The following EEIG2 variants were observed in gnomAD, a reference collection of about 807,000 sequenced individuals.
EEIG2 encodes the protein EEIG family member 2, also known as family with sequence similarity 102 member B.
the EEIG2 span, among the ~76,000 whole-genome samples, chr1:108,561,654 A>G: frequency 2.3e-4 from 35 of 152,370 alleles, no homozygotes; most frequent in African/African-American, 7.7e-4. Context: ...GATATATGAA[A>G]TTAATAGTTT....
chr1:108,617,035 G>A, the EEIG2 span, among the ~76,000 whole-genome samples: 1 of 152,164 alleles, frequency 6.6e-6, no homozygotes, highest in African/African-American at 2.4e-5. Flanking sequence ...ACTGGCATTA[G>A]GGGGAAGAGT....
the EEIG2 span, among the ~76,000 whole-genome samples, chr1:108,597,355 A>G: frequency 6.6e-6 from 1 of 152,172 alleles, no homozygotes; most frequent in African/African-American, 2.4e-5. Flanking sequence ...GCATTAAGTC[A>G]TCTTTCATTA....
chr1:108,609,864 G>A, the EEIG2 span, among the ~76,000 whole-genome samples: 44 of 152,152 alleles, frequency 2.9e-4, 2 homozygotes, highest in African/African-American at 7.5e-4. Flanking sequence ...TGTTGATCAC[G>A]TGGACACAGG....
the EEIG2 span, among the ~76,000 whole-genome samples, chr1:108,623,556 C>G: frequency 7.0e-3 from 1,068 of 152,256 alleles, 7 homozygotes; most frequent in Non-Finnish European, 0.011. Context: ...AGGATAAATG[C>G]TTGAGGTGAT....
chr1:108,575,084 G>C, the EEIG2 span, among the ~76,000 whole-genome samples: 4 of 152,170 alleles, frequency 2.6e-5, no homozygotes, highest in African/African-American at 9.7e-5. Flanking sequence ...TCTGTCATAT[G>C]ATAACTGTTT....
At chr1:108,607,788 C>T in the EEIG2 span, among the ~76,000 whole-genome samples, 1 of 152,184 alleles carries the variant, frequency 6.6e-6, no homozygotes, top group Non-Finnish European at 1.5e-5. Flanking sequence ...CTAAAAAGGT[C>T]TTGAAACCAT....
the EEIG2 span, among the ~76,000 whole-genome samples, chr1:108,592,044 A>G: frequency 6.6e-6 from 1 of 152,196 alleles, no homozygotes; most frequent in Non-Finnish European, 1.5e-5. Flanking sequence ...AGGATTTTAA[A>G]CAGAAATGAC....
At chr1:108,612,642 C>T in the EEIG2 span, among the ~76,000 whole-genome samples, 20,807 of 152,118 alleles carry the variant, frequency 0.14, 2,063 homozygotes, top group African/African-American at 0.28. Context: ...AGAGCAGCTG[C>T]GATAGGTACA....
At chr1:108,612,999 A>G in the EEIG2 span, among the ~76,000 whole-genome samples, 1 of 152,210 alleles carries the variant, frequency 6.6e-6, no homozygotes, top group Non-Finnish European at 1.5e-5. Flanking sequence ...CAGTTTTCAA[A>G]CTTTTTTGCA....
chr1:108,568,205 TAAATATTGAAAGAAAGC>T, the EEIG2 span, among the ~76,000 whole-genome samples: 4 of 152,116 alleles, frequency 2.6e-5, no homozygotes, highest in Non-Finnish European at 5.9e-5. Context: ...CAGCATTTTG[TAAATATTGAAAGAAAGC>T]AAATATTGGG....
At chr1:108,616,165 T>G in the EEIG2 span, among the ~76,000 whole-genome samples, 1 of 150,838 alleles carries the variant, frequency 6.6e-6, no homozygotes, top group Non-Finnish European at 1.5e-5. Flanking sequence ...GGTCTTGCTC[T>G]GTTGCCTAGG....
the EEIG2 span, among the ~76,000 whole-genome samples, chr1:108,592,932 C>T: frequency 3.9e-5 from 6 of 152,044 alleles, no homozygotes; most frequent in East Asian, 1.9e-4. Context: ...CCAGGGTGGG[C>T]GGGTCACTTG....
At chr1:108,608,210 C>T in the EEIG2 span, among the ~76,000 whole-genome samples, 1 of 152,144 alleles carries the variant, frequency 6.6e-6, no homozygotes, top group Admixed American at 6.5e-5. Flanking sequence ...GCTTATATTT[C>T]TCCCTCCTCT....
chr1:108,568,347 G>T, the EEIG2 span, among the ~76,000 whole-genome samples: 1 of 152,088 alleles, frequency 6.6e-6, no homozygotes, highest in Non-Finnish European at 1.5e-5. Context: ...AATTATGTTC[G>T]GTTTGGGGTG....
chr1:108,618,677 T>C, the EEIG2 span, among the ~76,000 whole-genome samples: 6 of 151,868 alleles, frequency 4.0e-5, no homozygotes, highest in African/African-American at 1.5e-4. Flanking sequence ...AGGATCACTC[T>C]ACAAAAAATA....
At chr1:108,636,922 C>T in the EEIG2 span, 5 of 152,132 alleles carry the variant, frequency 3.3e-5, no homozygotes, top group Admixed American at 3.3e-4. Flanking sequence ...TTTCTATTTT[C>T]AAAATATTAT....
chr1:108,598,362 G>C, the EEIG2 span, among the ~76,000 whole-genome samples: 3 of 139,094 alleles, frequency 2.2e-5, no homozygotes, highest in Non-Finnish European at 4.5e-5. Context: ...AAAAAAATCT[G>C]GATTTTTTTT....
the EEIG2 span, among the ~76,000 whole-genome samples, chr1:108,608,673 C>T: frequency 1.1e-4 from 16 of 152,344 alleles, no homozygotes; most frequent in South Asian, 1.2e-3. Flanking sequence ...TGACTTCACT[C>T]ATTAGTAACT....
the EEIG2 span, chr1:108,560,556 A>T: frequency 6.2e-7 from 1 of 1,610,664 alleles, no homozygotes; most frequent in Non-Finnish European, 8.5e-7. Context: ...TTCACCGCCG[A>T]GTCCTCCAGG....
Sources: allele counts gnomAD v4.1 joint callset (sites outside exome capture counted in the v4.1 genomes callset), GRCh38; gene constraint gnomAD v4.1.1; transcripts MANE v1.5; gene names NCBI Gene and HGNC (gene_info 2026-07-23, HGNC 2026-07-21).